The following APOB variants were observed in gnomAD, a reference collection of about 807,000 sequenced individuals.
The protein encoded by APOB is apolipoprotein B, also known as apolipoprotein B-100.
In APOB, 153 loss-of-function variants were observed where a neutral mutation model predicts 314.1. The observed-to-expected ratio is 0.49, with a 90% CI of 0.43 to 0.56. The LOEUF (loss-of-function observed/expected upper bound fraction) is 0.56. APOB is among the 20% of genes least tolerant of loss of function. The pLI, the probability that APOB is intolerant of heterozygous loss-of-function variation, is 0.00. For synonymous variants in APOB, 2,087 were observed against 2,036.4 expected (o/e 1.02, Z -0.67); for missense variants, 5,430 against 5,350.7 (o/e 1.01, Z -0.46).
intron 20 of APOB, among the ~76,000 whole-genome samples, chr2:21,017,268 T>C (rs1663503529): frequency 6.6e-6 from 1 of 152,136 alleles, no homozygotes; most frequent in African/African-American, 2.4e-5. Context: ...GCACTGCTCT[T>C]GGTACTGGGG....
intron 18 of APOB, among the ~76,000 whole-genome samples, chr2:21,021,678 C>G (rs951632660): frequency 2.0e-5 from 3 of 152,156 alleles, no homozygotes; most frequent in African/African-American, 7.2e-5. Flanking sequence ...TTTCCTTTTG[C>G]CTGGAACACT....
chr2:21,042,317 G>C (rs779863397), intron 3 of APOB, 44 bp downstream of exon 3: 1 of 1,502,634 alleles, frequency 6.7e-7, no homozygotes, highest in East Asian at 2.3e-5. Flanking sequence ...AGGGCTGGGG[G>C]AAAGCTGTGG....
chr2:21,030,325 A>G lies in APOB; in HGVS notation c.1353-310T>C, dbSNP rs554117371. ...TACTTACAGTCAACGGATCTTTGAC[A>G]AAATTGACAAAAACATACACTAGGG... On this transcript the variant is annotated intron_variant, in intron 10 of 28. Transcript: ENST00000233242. Among the ~76,000 whole-genome samples, 90 of 152,352 alleles carry G rather than the reference A, an allele frequency of 5.9e-4. 4 individuals are homozygous for G. In the South Asian group the frequency reaches 0.019, roughly 32 times the overall value.
chr2:21,037,281 A>G, intron 5 of APOB, 26 bp from the exon 6 acceptor site: 3 of 1,608,746 alleles, frequency 1.9e-6, no homozygotes, highest in South Asian at 1.1e-5. Flanking sequence ...ATGCAACCAC[A>G]TGTATTCAAC....
chr2:21,002,186 C>G lies in APOB; in HGVS notation c.13236G>C (p.Lys4412Asn). 1 of 1,613,938 alleles carries G rather than the reference C, an allele frequency of 6.2e-7. No individual in the cohort carries two copies. Among genetic ancestry groups the G allele is most frequent in the Non-Finnish European group, 8.5e-7 (1 of 1,179,942 alleles). ...ELEEKIVSLI[K>N]NLLVALKDFH... Reference sequence around the variant, plus strand: ...AGTCCTTAAGAGCAACTAACAGGTTCTTGATCAGACTGACTATCTTTTCTT... The same window carrying G: ...AGTCCTTAAGAGCAACTAACAGGTTGTTGATCAGACTGACTATCTTTTCTT... The change falls in exon 29 of 29, where the codon AAG (lysine) becomes AAC (asparagine). Residue 4412 changes from lysine to asparagine, a missense_variant. By Grantham distance (94) the Lys-to-Asn change is moderately conservative (BLOSUM62 0). This residue lies in a region of APOB where 3,281 missense variants were observed against 3,171.0 expected (regional missense o/e 1.03). Transcript: ENST00000233242.
chr2:21,005,119 A>T lies in APOB; in HGVS notation c.11749T>A (p.Cys3917Ser). 6.2e-7 allele frequency: 1 copy of T among 1,614,072 alleles called. No individual in the cohort carries two copies. Among genetic ancestry groups the T allele is most frequent in the Non-Finnish European group, 8.5e-7 (1 of 1,179,936 alleles). The part of the protein sequence containing the change: ...DYVETVLDST[C>S]SSTVQFLEYE... Reference sequence around the variant, plus strand: ...TCTAGGAACTGTACGGTTGAGCTGCATGTGGAATCCAGGACTGTTTCAACA... The same window carrying T: ...TCTAGGAACTGTACGGTTGAGCTGCTTGTGGAATCCAGGACTGTTTCAACA... Residue 3917 changes from cysteine (C) to serine (S), a missense_variant, in exon 26 of 29, where the codon TGC becomes AGC. By Grantham distance (112) the Cys-to-Ser change is moderately radical (BLOSUM62 -1). Around this residue, in one of 3 missense-constraint regions of APOB, gnomAD observed 3,281 missense variants for 3,171.0 expected, o/e 1.03. Transcript: ENST00000233242.
In APOB at chr2:21,027,912, A is replaced by G; in HGVS notation, c.1983T>C (p.Phe661=). ...ASAKIEGNLI[F]DPNNYLPKES... is the part of the protein sequence containing the mutation. ...CTTTAGGAAGGTAGTTATTTGGATC[A>G]AATATAAGATTCCCTTCTATTTTGG... The change falls in exon 14 of 29, where the codon TTT becomes TTC. Residue 661 remains phenylalanine (F), a synonymous_variant. Coordinates refer to ENST00000233242, the MANE Select transcript of APOB (RefSeq NM_000384.3). 6.2e-7 allele frequency: 1 copy of G among 1,614,226 alleles called. No individual in the cohort carries two copies. Among genetic ancestry groups the G allele is most frequent in the Middle Eastern group, 1.6e-4 (1 of 6,062 alleles).
Position 21,016,713 on chromosome 2 carries a change from G to A in APOB, c.3122-64C>T, listed in dbSNP as rs12713869. ...AGAAGCTATGTTTTGGGCCGGGTGC[G>A]GTGGCTCACACCTGTAATCCCAGCA... On this transcript the variant is annotated intron_variant, in intron 20 of 28. Coordinates refer to ENST00000233242, the MANE Select transcript of APOB (RefSeq NM_000384.3). 1.9e-3 allele frequency: 2,001 copies of A among 1,077,062 alleles called. 19 individuals carry two copies. The African/African-American group carries it at 0.023, about 12-fold the overall frequency. The allele number at this position is 1,077,062 out of a possible 1,614,324, so 66.7% of individuals were successfully genotyped here.
chr2:21,034,340 G>A (rs1013032133), intron 8 of APOB, among the ~76,000 whole-genome samples: 27 of 152,128 alleles, frequency 1.8e-4, no homozygotes, highest in African/African-American at 6.5e-4. Flanking sequence ...TGAGCAAAAA[G>A]GACAATGAGG....
rs1450420883 is a variant in APOB at position 21,009,152 on chromosome 2, A to G, written c.7716T>C (p.Asp2572=). 1 of 1,613,592 alleles carries G rather than the reference A, an allele frequency of 6.2e-7. No homozygotes were observed. The highest frequency in any genetic ancestry group is 1.3e-5 in the African/African-American group (1 of 74,928). ...CCAATGCTTTCATACGTTTAGCCCA[A>G]TCTTGGATAGAATATTGCTCTGCAA... ...TDFAEQYSIQ[D]WAKRMKALVE... is the part of the protein sequence containing the mutation. Residue 2572 remains aspartate, a synonymous_variant, in exon 26 of 29, where the codon GAT becomes GAC. Coordinates refer to ENST00000233242, the MANE Select transcript of APOB (RefSeq NM_000384.3).
intron 10 of APOB, among the ~76,000 whole-genome samples, chr2:21,030,494 A>C (rs1280461047): frequency 6.6e-6 from 1 of 152,236 alleles, no homozygotes; most frequent in Non-Finnish European, 1.5e-5. Context: ...GAGACTATAA[A>C]AATGCAAGAA....
In APOB at chr2:21,034,825, A is replaced by C. The variant is rs72653060; in HGVS notation, c.895T>G (p.Phe299Val). 7.7e-5 allele frequency: 123 copies of C among 1,590,024 alleles called. No homozygotes were observed. In the African/African-American group the frequency reaches 1.6e-3, roughly 20 times the overall value. The change falls in exon 8 of 29, where the codon TTT (phenylalanine) becomes GTT (valine). Residue 299 changes from phenylalanine to valine, a missense_variant. Transcript: ENST00000233242. The stretch of plus-strand genomic sequence containing the variant: ...GGACAGAAACTCTTACCTTCACCAA[A>C]GAAGCGGCTGTTGATCTTTGGTGTG... ...EDTPKINSRF[F>V]GEGTKKMGLA...
chr2:21,015,042 T>C (rs986358398), intron 23 of APOB, 31 bp downstream of exon 23: 15 of 1,597,152 alleles, frequency 9.4e-6, no homozygotes, highest in Non-Finnish European at 1.2e-5. Flanking sequence ...CTTATATCCA[T>C]GTATTTATTG....
At chr2:21,033,569 T>C in intron 8 of APOB, 51 bp from the exon 9 acceptor site, 1 of 1,466,102 alleles carries the variant, frequency 6.8e-7, no homozygotes, top group Non-Finnish European at 9.6e-7. Context: ...ATCTCAACCA[T>C]ATCTTTGTCT....
chr2:21,041,389 G>A (rs1044964997), intron 3 of APOB, among the ~76,000 whole-genome samples: 25 of 152,226 alleles, frequency 1.6e-4, no homozygotes, highest in Non-Finnish European at 3.4e-4. Context: ...ATTATAAAGA[G>A]CTGTGGTTAA....
chr2:21,032,701 C>CCATCT (rs10701091), intron 9 of APOB, 120 bp from the exon 10 acceptor site: 734,543 of 824,238 alleles, frequency 0.89, 328,540 homozygotes, highest in East Asian at 0.95. Context: ...TCAAATCTAA[C>CCATCT]TTCAAAACCC....
chr2:21,005,017 A>T (rs1331711892), intron 26 of APOB, 63 bp downstream of exon 26: 59 of 1,584,394 alleles, frequency 3.7e-5, no homozygotes, highest in Middle Eastern at 2.0e-4. Context: ...ATACATAATT[A>T]TTTACTCATA....
Position 21,010,901 on chromosome 2 carries a change from G to A in APOB, c.5967C>T (p.Asn1989=), listed in dbSNP as rs753427312. The part of the protein sequence containing the change: ...GTWKLKTQFN[N]NEYSQDLDAY... ...CATCCAAGTCCTGGCTGTATTCATT[G>A]TTGTTAAATTGGGTCTTGAGTTTCC... The change falls in exon 26 of 29, where the codon AAC becomes AAT. Residue 1989 remains asparagine (N), a synonymous_variant. Coordinates refer to ENST00000233242, the MANE Select transcript of APOB (RefSeq NM_000384.3). 4 of 1,614,134 alleles carry A rather than the reference G, an allele frequency of 2.5e-6. No homozygotes were observed. The highest frequency in any genetic ancestry group is 2.5e-6 in the Non-Finnish European group (3 of 1,180,006).
intron 5 of APOB, 150 bp downstream of exon 5, chr2:21,037,808 C>G (rs1294905375): frequency 1.6e-5 from 15 of 959,056 alleles, no homozygotes; most frequent in Admixed American, 9.4e-5. Context: ...GGAGGAACCT[C>G]GGGCACCAGT....
Sources: gnomAD v4.1 joint callset for allele counts (sites outside exome capture counted in the v4.1 genomes callset) on GRCh38, gnomAD v4.1.1 for gene constraint, gnomAD v4.1.1 regional missense constraint, MANE v1.5 for transcripts, NCBI Gene and HGNC (gene_info 2026-07-23, HGNC 2026-07-21) for gene names.